Variants in ZNF354C observed in about 807,000 individuals in gnomAD.
ZNF354C encodes the protein KRAB-zinc finger protein synten.
Under a neutral mutation model 12.4 loss-of-function variants are expected in ZNF354C, and 7 were observed. The observed-to-expected ratio is 0.56, with a 90% CI of 0.32 to 1.06. The LOEUF is 1.06. Ranked by LOEUF, ZNF354C falls within the 50% of genes least tolerant of loss-of-function variation. ZNF354C has a pLI of 0.04. For missense variants in ZNF354C, 609 were observed against 658.0 expected (o/e 0.93, Z 0.81); for synonymous variants, 202 against 224.5 (o/e 0.90, Z 0.90).
At chr5:179,074,029 G>C (rs921345028) in intron 2 of ZNF354C, among the ~76,000 whole-genome samples, 1 of 151,978 alleles carries the variant, frequency 6.6e-6, no homozygotes, top group Non-Finnish European at 1.5e-5. Flanking sequence ...TGTCTCCCAG[G>C]CTGGAGTGCA....
chr5:179,082,434 A>C lies in ZNF354C; in HGVS notation c.*2337A>C. The C allele has an allele frequency of 2.1e-6, 1 of 468,908 alleles. No homozygotes were observed. Among genetic ancestry groups the C allele is most frequent in the South Asian group, 2.8e-5 (1 of 35,512 alleles). 29.0% of individuals were successfully genotyped at this position (468,908 alleles called of 1,614,324 possible). On this transcript the variant is annotated 3_prime_UTR_variant, in exon 5 of 5. Transcript: ENST00000315475. ...AATTACACAGTATGGAAATAAATAGACAAGTCCAGAGTTGGTATAGGACAA... is the reference window on the plus strand; with the variant it reads ...AATTACACAGTATGGAAATAAATAGCCAAGTCCAGAGTTGGTATAGGACAA...
rs774314523 is a variant in ZNF354C at position 179,080,116 on chromosome 5, C to G, written c.*19C>G. ...GGTTTAGTTCATCTCTCAAATAATC[C>G]AAGACTTCTCACTGGGGAATAAGGG... On this transcript the variant is annotated 3_prime_UTR_variant, in exon 5 of 5. Transcript: ENST00000315475. The G allele has an allele frequency of 3.4e-6, 5 of 1,491,748 alleles. No homozygotes were observed. The highest frequency in any genetic ancestry group is 4.5e-5 in the East Asian group (2 of 44,056). The allele number at this position is 1,491,748 out of a possible 1,614,324, so 92.4% of individuals were successfully genotyped here. A position where few individuals can be genotyped will look rare whatever the true frequency, so the allele number is the denominator to read the frequency against.
intron 2 of ZNF354C, among the ~76,000 whole-genome samples, chr5:179,075,745 T>A (rs1255549942): frequency 1.3e-5 from 2 of 152,164 alleles, no homozygotes; most frequent in African/African-American, 2.4e-5. Flanking sequence ...AAGGTCAAAT[T>A]CCAGTGTCAT....
At chr5:179,071,257 C>T (rs539560285) in intron 2 of ZNF354C, among the ~76,000 whole-genome samples, 6 of 152,090 alleles carry the variant, frequency 3.9e-5, no homozygotes, top group Admixed American at 1.3e-4. Flanking sequence ...AGATACCACA[C>T]GCTAACGAGA....
rs1762190021 is a variant in ZNF354C at position 179,079,514 on chromosome 5, G to A, written c.1082G>A (p.Cys361Tyr). The A allele has an allele frequency of 6.2e-7, 1 of 1,614,070 alleles. No homozygotes were observed. Among genetic ancestry groups the A allele is most frequent in the Non-Finnish European group, 8.5e-7 (1 of 1,180,044 alleles). Residue 361 changes from cysteine to tyrosine, a missense_variant, in exon 5 of 5, where the codon TGT becomes TAT. By Grantham distance (194) the Cys-to-Tyr change is radical. Coordinates refer to ENST00000315475, the MANE Select transcript of ZNF354C (RefSeq NM_014594.3). The surrounding 1 kb of genome is among the most constrained non-coding windows in gnomAD (Gnocchi z 4.2). ...TGEKPYKCSE[C>Y]GKGYSQFTSL... ...GAGAAACCCTATAAATGTAGTGAGT[G>A]TGGGAAGGGATACAGCCAGTTTACA...
rs1014474856 is a variant in ZNF354C at position 179,080,174 on chromosome 5, T to G, written c.*77T>G. The stretch of plus-strand genomic sequence containing the variant: ...AATAGGGTACAAACTCCTAATAGAT[T>G]TGTCTTTTTTACTTCTCCTGAAGGA... On this transcript the variant is annotated 3_prime_UTR_variant, in exon 5 of 5. Coordinates refer to ENST00000315475, the MANE Select transcript of ZNF354C (RefSeq NM_014594.3). The G allele has an allele frequency of 1.2e-5, 14 of 1,134,848 alleles. No homozygotes were observed. The African/African-American group carries it at 2.2e-4, about 18-fold the overall frequency. 70.3% of individuals were successfully genotyped at this position (1,134,848 alleles called of 1,614,324 possible). A position where few individuals can be genotyped will look rare whatever the true frequency, so the allele number is the denominator to read the frequency against.
chr5:179,068,618 A>G (rs1761991209), intron 2 of ZNF354C, among the ~76,000 whole-genome samples: 1 of 149,368 alleles, frequency 6.7e-6, no homozygotes, highest in Admixed American at 7.0e-5. Flanking sequence ...TAAAAGAAAA[A>G]GAATGCTTTT....
chr5:179,061,503 A>G (rs1761891647), intron 1 of ZNF354C, among the ~76,000 whole-genome samples: 3 of 152,068 alleles, frequency 2.0e-5, no homozygotes, highest in African/African-American at 7.2e-5. Context: ...GGGAAAGCTG[A>G]GTGGTTGGAT....
At chr5:179,068,703 G>A (rs576862066) in intron 2 of ZNF354C, among the ~76,000 whole-genome samples, 1 of 151,522 alleles carries the variant, frequency 6.6e-6, no homozygotes, top group Non-Finnish European at 1.5e-5. Context: ...TGGGTTTGCT[G>A]TGAGTGTCCT....
chr5:179,079,158 A>G lies in ZNF354C; in HGVS notation c.726A>G (p.Lys242=). The G allele has an allele frequency of 6.2e-7, 1 of 1,613,898 alleles. No individual in the cohort carries two copies. The highest frequency in any genetic ancestry group is 1.1e-5 in the South Asian group (1 of 91,074). Residue 242 remains lysine, a synonymous_variant, in exon 5 of 5, where the codon AAA becomes AAG. Coordinates refer to ENST00000315475, the MANE Select transcript of ZNF354C (RefSeq NM_014594.3). The surrounding 1 kb of genome is among the most constrained non-coding windows in gnomAD (Gnocchi z 4.2). ...ATCAGAGAATTCATACAGGTGAGAA[A>G]CCCTACAAATGTAATGAGTGTGAAA... ...IEHQRIHTGE[K]PYKCNECEKT...
chr5:179,082,503 AT>A lies in ZNF354C; in HGVS notation c.*2409del. The A allele has an allele frequency of 1.7e-6, 1 of 581,004 alleles. No individual in the cohort carries two copies. The highest frequency in any genetic ancestry group is 2.3e-5 in the South Asian group (1 of 43,092). 36.0% of individuals were successfully genotyped at this position (581,004 alleles called of 1,614,324 possible). The stretch of plus-strand genomic sequence containing the variant: ...ATTTATTTTAAAATGGTTTTCTTAA[AT>A]TTATTTTTTTAAACATAACACGAGG... On this transcript the variant is annotated 3_prime_UTR_variant, in exon 5 of 5. Coordinates refer to ENST00000315475, the MANE Select transcript of ZNF354C (RefSeq NM_014594.3).
intron 2 of ZNF354C, among the ~76,000 whole-genome samples, chr5:179,063,437 T>C (rs1012843997): frequency 9.2e-5 from 14 of 152,288 alleles, no homozygotes; most frequent in Admixed American, 7.8e-4. Flanking sequence ...GCAGCACCTA[T>C]AGTCCCAGAT....
At chr5:179,077,917 C>T (rs1355114967) in intron 4 of ZNF354C, among the ~76,000 whole-genome samples, 2 of 149,460 alleles carry the variant, frequency 1.3e-5, no homozygotes, top group African/African-American at 4.9e-5. Context: ...GCGATCCTTT[C>T]ACCTTAGCCT....
intron 1 of ZNF354C, among the ~76,000 whole-genome samples, chr5:179,061,333 G>C (rs2113103007): frequency 6.6e-6 from 1 of 152,302 alleles, no homozygotes; most frequent in South Asian, 2.1e-4. Flanking sequence ...TTGGTGTTTG[G>C]GCAGCGACGG....
chr5:179,080,011 A>G lies in ZNF354C; in HGVS notation c.1579A>G (p.Lys527Glu). The change falls in exon 5 of 5, where the codon AAG becomes GAG. Residue 527 changes from lysine (K) to glutamate (E), a missense_variant. Physicochemically the swap from Lys to Glu is moderately conservative, Grantham distance 56. Coordinates refer to ENST00000315475, the MANE Select transcript of ZNF354C (RefSeq NM_014594.3). Reference protein sequence around the residue: ...VHTKEKLYKWKEYGKPFICSS... With the variant: ...VHTKEKLYKWEEYGKPFICSS... ...CACGAAAGAGAAACTCTATAAGTGG[A>G]AGGAATATGGGAAACCTTTCATCTG... 6.2e-7 allele frequency: 1 copy of G among 1,613,802 alleles called. No individual in the cohort carries two copies. Among genetic ancestry groups the G allele is most frequent in the Non-Finnish European group, 8.5e-7 (1 of 1,179,884 alleles).
chr5:179,061,342 G>A (rs1761889143), intron 1 of ZNF354C, among the ~76,000 whole-genome samples: 1 of 152,170 alleles, frequency 6.6e-6, no homozygotes, highest in Non-Finnish European at 1.5e-5. Flanking sequence ...GGGCAGCGAC[G>A]GCTGTTTCTG....
rs547747714 is a variant in ZNF354C at position 179,080,972 on chromosome 5, C to G, written c.*875C>G. 6.6e-6 allele frequency: 1 copy of G among 151,810 alleles called. No individual in the cohort carries two copies. The highest frequency in any genetic ancestry group is 2.1e-4 in the South Asian group (1 of 4,826). The allele number at this position is 151,810 out of a possible 1,614,324, so 9.4% of individuals were successfully genotyped here. On this transcript the variant is annotated 3_prime_UTR_variant, in exon 5 of 5. Transcript: ENST00000315475. The stretch of plus-strand genomic sequence containing the variant: ...AGGAGAGATTTTAGTTTAATTATAG[C>G]CTTTCATTGTACTAACGAAGGATTT...
chr5:179,083,206 A>T lies in ZNF354C; in HGVS notation c.*3109A>T. 4.0e-6 allele frequency: 1 copy of T among 251,998 alleles called. No individual in the cohort carries two copies. Among genetic ancestry groups the T allele is most frequent in the Non-Finnish European group, 7.3e-6 (1 of 137,012 alleles). 15.6% of individuals were successfully genotyped at this position (251,998 alleles called of 1,614,324 possible). A position where few individuals can be genotyped will look rare whatever the true frequency, so the allele number is the denominator to read the frequency against. On this transcript the variant is annotated 3_prime_UTR_variant, in exon 5 of 5. Transcript: ENST00000315475. The stretch of plus-strand genomic sequence containing the variant: ...GATCCTTTATTAGCTTCTGATTCAT[A>T]AAAAAACCTATAAGAGACATTTGGG...
In ZNF354C at chr5:179,060,830, C is replaced by T. The variant is rs886379815; in HGVS notation, c.-55+164C>T. ...GGTGCCAGGCACCAGACTAGCGCAT[C>T]GCCCGAACGAACTCCGCGCATCCCT... On this transcript the variant is annotated intron_variant, in intron 1 of 4. Coordinates refer to ENST00000315475, the MANE Select transcript of ZNF354C (RefSeq NM_014594.3). The surrounding 1 kb of genome is among the most constrained non-coding windows in gnomAD (Gnocchi z 4.2). Among the ~76,000 whole-genome samples the T allele has an allele frequency of 6.6e-5, 10 of 152,184 alleles. No individual in the cohort carries two copies. Among genetic ancestry groups the T allele is most frequent in the South Asian group, 2.1e-4 (1 of 4,828 alleles).
Sources: allele counts gnomAD v4.1 joint callset (sites outside exome capture counted in the v4.1 genomes callset), GRCh38; gene constraint gnomAD v4.1.1; non-coding constraint Gnocchi (gnomAD v3.1); transcripts MANE v1.5; gene names NCBI Gene and HGNC (gene_info 2026-07-23, HGNC 2026-07-21).